GMPS: variants seen among roughly 807,000 people sequenced by gnomAD.
GMPS encodes GMP synthase [glutamine-hydrolyzing].
GMPS carries 15 observed loss-of-function variants against 77.9 expected under a neutral mutation model. The observed-to-expected ratio is 0.19, with a 90% confidence interval of 0.13 to 0.30. GMPS has a LOEUF of 0.30. Ranked by LOEUF, GMPS falls within the 10% of genes least tolerant of loss-of-function variation. The pLI, the probability that GMPS is intolerant of heterozygous loss-of-function variation, is 1.00. For synonymous variants in GMPS, 224 were observed against 275.9 expected (o/e 0.81, Z 1.86); for missense variants, 590 against 838.8 (o/e 0.70, Z 3.66).
Position 155,888,823 on chromosome 3 carries a change from G to A in GMPS, c.28-4695G>A, listed in dbSNP as rs188420892. ...TGGTCTCGAACTCCTGACCTCAGAT[G>A]CTTCACCCTCTTTGGCCTCCCAAAG... On this transcript the variant is annotated intron_variant, in intron 1 of 15. Transcript: ENST00000496455. Among the ~76,000 whole-genome samples, 22 of 151,976 alleles carry A rather than the reference G, an allele frequency of 1.4e-4. No homozygotes were observed. In the East Asian group the frequency reaches 3.7e-3, roughly 25 times the overall value.
chr3:155,905,788 C>G (rs867917312), intron 4 of GMPS, among the ~76,000 whole-genome samples: 1 of 152,056 alleles, frequency 6.6e-6, no homozygotes, highest in African/African-American at 2.4e-5. Context: ...ATAAGACTAC[C>G]GAATGAAGTG....
intron 1 of GMPS, among the ~76,000 whole-genome samples, chr3:155,884,388 GA>G (rs749938205): frequency 1.4e-3 from 126 of 88,482 alleles, no homozygotes; most frequent in Admixed American, 5.1e-3. Flanking sequence ...TCTGCCTCCA[GA>G]AAAAAAAAAA....
chr3:155,905,323 C>G (rs1336988002), intron 4 of GMPS, among the ~76,000 whole-genome samples: 2 of 152,062 alleles, frequency 1.3e-5, no homozygotes, highest in Admixed American at 1.3e-4. Context: ...TATTTAATAT[C>G]GAGTTCTTAG....
intron 13 of GMPS, 92 bp downstream of exon 13, chr3:155,931,972 A>C: frequency 1.5e-6 from 1 of 657,436 alleles, no homozygotes; most frequent in Non-Finnish European, 2.8e-6. Context: ...AAAGGCTCAA[A>C]TGTAGATATA....
chr3:155,917,962 G>A (rs571742199), intron 9 of GMPS, among the ~76,000 whole-genome samples: 1 of 152,056 alleles, frequency 6.6e-6, no homozygotes, highest in Non-Finnish European at 1.5e-5. Flanking sequence ...TTTATCTTTT[G>A]GATATATGCC....
At chr3:155,886,611 C>A (rs1226981968) in intron 1 of GMPS, among the ~76,000 whole-genome samples, 1 of 78,050 alleles carries the variant, frequency 1.3e-5, no homozygotes, top group Non-Finnish European at 2.2e-5. Context: ...TTCCTGATGA[C>A]TTTTTTTTTT....
rs763711026 is a variant in GMPS at position 155,925,318 on chromosome 3, G to A, written c.1512G>A (p.Leu504=). ...AGAAGCTGATGCAAATTACCAGTCT[G>A]CATTCACTGAATGCCTTCTTGCTGC... The part of the protein sequence containing the change: ...DQEKLMQITS[L]HSLNAFLLPI... Residue 504 remains leucine (L), a synonymous_variant, in exon 12 of 16, where the codon CTG becomes CTA. Coordinates refer to ENST00000496455, the MANE Select transcript of GMPS (RefSeq NM_003875.3). The A allele has an allele frequency of 6.2e-7, 1 of 1,610,654 alleles. No homozygotes were observed. The highest frequency in any genetic ancestry group is 8.5e-7 in the Non-Finnish European group (1 of 1,177,112).
At chr3:155,874,901 C>CTTTTTTTTTTTTTTTTTTT (rs1171275758) in intron 1 of GMPS, among the ~76,000 whole-genome samples, 1 of 71,414 alleles carries the variant, frequency 1.4e-5, no homozygotes. Flanking sequence ...ACTTTGTTTT[C>CTTTTTTTTTTTTTTTTTTT]TTTTTTTTTT....
intron 1 of GMPS, among the ~76,000 whole-genome samples, chr3:155,879,998 C>T (rs6797289): frequency 0.79 from 119,156 of 151,228 alleles, 47,064 homozygotes; most frequent in Middle Eastern, 0.82. Context: ...ATATGATTTG[C>T]GATTATTTTC....
In GMPS at chr3:155,871,817, C is replaced by T. The variant is rs947526546; in HGVS notation, c.27+920C>T. Among the ~76,000 whole-genome samples the T allele has an allele frequency of 3.9e-5, 6 of 152,364 alleles. No homozygotes were observed. The South Asian group carries it at 6.2e-4, about 16-fold the overall frequency. On this transcript the variant is annotated intron_variant, in intron 1 of 15. Coordinates refer to ENST00000496455, the MANE Select transcript of GMPS (RefSeq NM_003875.3). ...GCGGGGAGAGCACGTTTGACCGCTG[C>T]TGCTCATCTCTCCTCCAACTCACTT...
At chr3:155,911,053 A>G in intron 6 of GMPS, 61 bp from the exon 7 acceptor site, 1 of 1,358,434 alleles carries the variant, frequency 7.4e-7, no homozygotes, top group Non-Finnish European at 1.0e-6. Flanking sequence ...GATTTAAGCC[A>G]ATAGTGTTTA....
intron 1 of GMPS, among the ~76,000 whole-genome samples, chr3:155,871,246 T>C (rs1180929073): frequency 6.6e-6 from 1 of 151,726 alleles, no homozygotes; most frequent in East Asian, 2.0e-4. Flanking sequence ...CGGGCTTGTG[T>C]GTCTGCGTGT....
In GMPS at chr3:155,877,844, C is replaced by T. The variant is rs571182705; in HGVS notation, c.27+6947C>T. On this transcript the variant is annotated intron_variant, in intron 1 of 15. Coordinates refer to ENST00000496455, the MANE Select transcript of GMPS (RefSeq NM_003875.3). ...ACAGAGTCTCGCTAGTACAGTGGCG[C>T]GATCTCAGCTCACTGCAACCTCCAC... Among the ~76,000 whole-genome samples the T allele has an allele frequency of 3.9e-4, 58 of 148,066 alleles. No individual in the cohort carries two copies. In the South Asian group the frequency reaches 5.8e-3, roughly 15 times the overall value.
intron 12 of GMPS, among the ~76,000 whole-genome samples, chr3:155,927,900 ATTT>A (rs1755496793): frequency 6.6e-6 from 1 of 151,002 alleles, no homozygotes; most frequent in Admixed American, 6.6e-5. Context: ...ACCATCATTT[ATTT>A]AACTATTCTT....
intron 7 of GMPS, among the ~76,000 whole-genome samples, chr3:155,912,773 TG>T (rs1755074023): frequency 6.6e-6 from 1 of 151,888 alleles, no homozygotes; most frequent in Admixed American, 6.6e-5. Context: ...AACCTTGGGG[TG>T]GGGTGGGAAG....
At chr3:155,915,368 G>A (rs954603484) in intron 8 of GMPS, among the ~76,000 whole-genome samples, 12 of 151,456 alleles carry the variant, frequency 7.9e-5, no homozygotes, top group African/African-American at 2.9e-4. Flanking sequence ...CTCCCGAGTA[G>A]CTGGGATTAC....
intron 1 of GMPS, among the ~76,000 whole-genome samples, chr3:155,891,182 A>C (rs190744313): frequency 6.6e-6 from 1 of 152,208 alleles, no homozygotes; most frequent in African/African-American, 2.4e-5. Flanking sequence ...CTGGTAATTA[A>C]CTAAACCTTG....
intron 7 of GMPS, 70 bp downstream of exon 7, chr3:155,911,349 T>A: frequency 1.1e-6 from 1 of 925,510 alleles, no homozygotes; most frequent in Non-Finnish European, 1.6e-6. Context: ...TCTTATGGTT[T>A]AAATGAGCAC....
At chr3:155,932,422 T>C (rs1241597446) in intron 13 of GMPS, among the ~76,000 whole-genome samples, 1 of 152,156 alleles carries the variant, frequency 6.6e-6, no homozygotes, top group Non-Finnish European at 1.5e-5. Flanking sequence ...ATGTGCCAGA[T>C]AGCATTAAAA....
Sources: gnomAD v4.1 joint callset for allele counts (sites outside exome capture counted in the v4.1 genomes callset) on GRCh38, gnomAD v4.1.1 for gene constraint, MANE v1.5 for transcripts, NCBI Gene and HGNC (gene_info 2026-07-23, HGNC 2026-07-21) for gene names.